The following ZNF254 variants were observed in gnomAD, a reference collection of about 807,000 sequenced individuals.
ZNF254 encodes the protein zinc finger protein 254.
ZNF254 carries 10 observed loss-of-function variants against 12.4 expected under a neutral mutation model. The observed-to-expected ratio is 0.80, with a 90% CI of 0.50 to 1.36. The LOEUF (loss-of-function observed/expected upper bound fraction) is 1.36, where lower values mean the gene tolerates loss of function less well. Ranked by LOEUF, ZNF254 falls within the 40% of genes most tolerant of loss-of-function variation. The pLI is 0.00. For synonymous variants in ZNF254, 305 were observed against 253.4 expected (o/e 1.20, Z -1.93); for missense variants, 996 against 763.9 (o/e 1.30, Z -3.58).
intron 1 of ZNF254, among the ~76,000 whole-genome samples, chr19:24,045,813 A>G (rs751410617): frequency 1.4e-4 from 22 of 152,116 alleles, no homozygotes; most frequent in Non-Finnish European, 2.2e-4. Flanking sequence ...GCTGGGTTGC[A>G]ACATAACAAG....
chr19:24,102,604 C>G (rs902249350), intron 1 of ZNF254, among the ~76,000 whole-genome samples: 2 of 152,034 alleles, frequency 1.3e-5, no homozygotes, highest in East Asian at 3.9e-4. Context: ...GGTGATGAAT[C>G]CTGTTGCCTT....
rs1974902744 is a variant in ZNF254, at chr19:24,126,983, G to A, written c.983G>A (p.Gly328Asp). 6.2e-7 allele frequency: 1 copy of A among 1,613,600 alleles called. No individual in the cohort carries two copies. The change falls in exon 4 of 4, where the codon GGC (glycine) becomes GAC (aspartate). Residue 328 changes from glycine (G) to aspartate (D), a missense_variant. Physicochemically the swap from Gly to Asp is moderately conservative, Grantham distance 94 (BLOSUM62 -1). Transcript: ENST00000357002. ...AAACCCTACAAGTGTGAAGAATGTG[G>A]CAAAGCATTTATATGGTCCTCAACA... is the stretch of plus-strand genomic sequence containing the variant. ...RKKPYKCEEC[G>D]KAFIWSSTLT... is the part of the protein sequence containing the mutation.
upstream of ZNF254, among the ~76,000 whole-genome samples, chr19:24,086,223 TA>T (rs563948159): frequency 5.9e-5 from 9 of 151,682 alleles, no homozygotes; most frequent in Admixed American, 2.0e-4. Context: ...AAATAAAAAA[TA>T]AAAAAAAGTA....
intron 1 of ZNF254, among the ~76,000 whole-genome samples, chr19:24,038,740 C>G (rs1051547970): frequency 2.0e-5 from 3 of 152,140 alleles, no homozygotes; most frequent in Non-Finnish European, 2.9e-5. Flanking sequence ...GGCAGAATGG[C>G]CTTTCTTCGT....
chr19:24,065,640 A>G (rs755425145), intron 2 of ZNF254: 1 of 152,210 alleles, frequency 6.6e-6, no homozygotes, highest in African/African-American at 2.4e-5. Context: ...GCCTGGTCTC[A>G]GTCCAAATGT....
intron 3 of ZNF254, among the ~76,000 whole-genome samples, chr19:24,125,222 C>CTTT (rs764449404): frequency 2.3e-5 from 3 of 130,748 alleles, no homozygotes; most frequent in African/African-American, 8.4e-5. Flanking sequence ...ATTTTTACAT[C>CTTT]TTTTTTTTTT....
chr19:24,124,137 A>G (rs545810352), intron 3 of ZNF254, among the ~76,000 whole-genome samples: 2 of 151,932 alleles, frequency 1.3e-5, no homozygotes, highest in Admixed American at 6.6e-5. Flanking sequence ...GTGTATTTAT[A>G]CAAATATTTT....
chr19:24,049,216 T>A (rs913714321), intron 2 of ZNF254, among the ~76,000 whole-genome samples: 622 of 37,606 alleles, frequency 0.017, 4 homozygotes, highest in Middle Eastern at 0.056. Flanking sequence ...ATATATATAT[T>A]TTTTTTTTTT....
intron 1 of ZNF254, among the ~76,000 whole-genome samples, chr19:24,035,931 C>G (rs1201139514): frequency 6.6e-6 from 1 of 152,202 alleles, no homozygotes; most frequent in East Asian, 1.9e-4. Flanking sequence ...TTAATCACTG[C>G]TCTTACCTGC....
intron 1 of ZNF254, among the ~76,000 whole-genome samples, chr19:24,041,796 GGA>G (rs1188317540): frequency 4.6e-5 from 7 of 152,246 alleles, no homozygotes; most frequent in Non-Finnish European, 7.3e-5. Context: ...GTGGGGACGT[GGA>G]GAGTCTTTAT....
At chr19:24,115,506 A>G (rs1973990606) in intron 3 of ZNF254, among the ~76,000 whole-genome samples, 1 of 145,380 alleles carries the variant, frequency 6.9e-6, no homozygotes, top group Non-Finnish European at 1.5e-5. Flanking sequence ...GGGGAAAATC[A>G]CACTCTGGGG....
At chr19:24,104,107 C>CT (rs764987874) in intron 1 of ZNF254, 1 of 152,256 alleles carries the variant, frequency 6.6e-6, no homozygotes, top group Admixed American at 6.5e-5. Context: ...ATCCACCTGC[C>CT]TTGGCCTCCC....
In ZNF254 at chr19:24,128,007, C is replaced by T. The variant is rs560802969; in HGVS notation, c.*27C>T. ...TAATGTGCCAAAGCCTAAGAAAACC[C>T]TCAATTCTTAATAGATATAAGATTA... On this transcript the variant is annotated 3_prime_UTR_variant, in exon 4 of 4. Coordinates refer to ENST00000357002, the MANE Select transcript of ZNF254 (RefSeq NM_203282.4). 235 of 1,513,842 alleles carry T rather than the reference C, an allele frequency of 1.6e-4. 1 individual carries two copies. The South Asian group carries it at 2.9e-3, about 18-fold the overall frequency. The allele number at this position is 1,513,842 out of a possible 1,614,324, so 93.8% of individuals were successfully genotyped here. A position where few individuals can be genotyped will look rare whatever the true frequency, so the allele number is the denominator to read the frequency against.
At chr19:24,090,081 G>A (rs1972279594) in intron 1 of ZNF254, among the ~76,000 whole-genome samples, 1 of 150,046 alleles carries the variant, frequency 6.7e-6, no homozygotes, top group Non-Finnish European at 1.5e-5. Context: ...GCCTGTAATC[G>A]CAGCTACTCA....
At chr19:24,041,967 G>T (rs2145206112) in intron 1 of ZNF254, among the ~76,000 whole-genome samples, 1 of 151,964 alleles carries the variant, frequency 6.6e-6, no homozygotes, top group East Asian at 1.9e-4. Context: ...TCAGCACCCT[G>T]TGTTTAGCTC....
intron 2 of ZNF254, among the ~76,000 whole-genome samples, chr19:24,061,539 G>A (rs554124075): frequency 4.7e-4 from 71 of 152,324 alleles, no homozygotes; most frequent in African/African-American, 1.7e-3. Context: ...ACTTTCAGGA[G>A]AAAATTGTAA....
At chr19:24,115,556 G>C (rs900801531) in intron 3 of ZNF254, among the ~76,000 whole-genome samples, 33 of 151,850 alleles carry the variant, frequency 2.2e-4, no homozygotes, top group Middle Eastern at 3.4e-3. Flanking sequence ...GATAGCATTG[G>C]GAGATATACC....
intron 1 of ZNF254, among the ~76,000 whole-genome samples, chr19:24,088,916 C>G (rs1371886430): frequency 6.6e-6 from 1 of 151,770 alleles, no homozygotes; most frequent in East Asian, 1.9e-4. Flanking sequence ...ATCAGCCTCC[C>G]CAAGAGCTGG....
chr19:24,106,169 A>G, intron 2 of ZNF254, 103 bp downstream of exon 2: 14 of 1,393,956 alleles, frequency 1.0e-5, no homozygotes, highest in Non-Finnish European at 1.3e-5. Context: ...TGTTTTCAAG[A>G]AAATACTGGG....
Sources: allele counts gnomAD v4.1 joint callset (sites outside exome capture counted in the v4.1 genomes callset), GRCh38; gene constraint gnomAD v4.1.1; transcripts MANE v1.5; gene names NCBI Gene and HGNC (gene_info 2026-07-23, HGNC 2026-07-21).